KLF7: variants seen among roughly 807,000 people sequenced by gnomAD.
KLF7 encodes Krueppel-like factor 7.
KLF7 carries 2 observed loss-of-function variants against 27.3 expected under a neutral mutation model. The observed-to-expected ratio is 0.07, with a 90% CI of 0.03 to 0.23. The LOEUF (loss-of-function observed/expected upper bound fraction) is 0.23. Among genes scored for constraint, KLF7 ranks in the 10% least tolerant of loss-of-function variants. The pLI is 1.00. For synonymous variants in KLF7, 165 were observed against 162.4 expected, an observed-to-expected ratio of 1.02 and a Z score of -0.12; for missense variants, 221 against 394.1, an observed-to-expected ratio of 0.56 and a Z score of 3.72.
chr2:207,153,779 T>C (rs891818317), intron 1 of KLF7, among the ~76,000 whole-genome samples: 4 of 152,150 alleles, frequency 2.6e-5, no homozygotes, highest in African/African-American at 9.7e-5. Flanking sequence ...GACAAAGAAC[T>C]GAAAAGTTCC....
At chr2:207,119,487 T>C (rs1267759451) in intron 2 of KLF7, among the ~76,000 whole-genome samples, 2 of 151,898 alleles carry the variant, frequency 1.3e-5, no homozygotes, top group African/African-American at 4.8e-5. Context: ...GAAGTGAAGG[T>C]TACTTTTCAT....
chr2:207,110,919 T>G (rs911572924), intron 2 of KLF7, among the ~76,000 whole-genome samples: 2 of 152,184 alleles, frequency 1.3e-5, no homozygotes, highest in African/African-American at 2.4e-5. Context: ...AGGCCAGGGT[T>G]TCTCAACCTT....
At chr2:207,092,012 C>T (rs567075639) in intron 2 of KLF7, among the ~76,000 whole-genome samples, 4 of 152,290 alleles carry the variant, frequency 2.6e-5, no homozygotes, top group African/African-American at 4.8e-5. Context: ...GAAAACTGCA[C>T]GTCAGTGGTA....
At chr2:207,125,882 A>G (rs2077463885) in intron 1 of KLF7, among the ~76,000 whole-genome samples, 1 of 152,246 alleles carries the variant, frequency 6.6e-6, no homozygotes, top group Non-Finnish European at 1.5e-5. Context: ...ATAAACAACC[A>G]CAAGCTAAAA....
chr2:207,095,800 G>C (rs1303274502), intron 2 of KLF7, among the ~76,000 whole-genome samples: 2 of 151,984 alleles, frequency 1.3e-5, no homozygotes, highest in Non-Finnish European at 2.9e-5. Flanking sequence ...TATTAAAAAA[G>C]AATGTAAAAT....
At chr2:207,091,962 T>C (rs998150598) in intron 2 of KLF7, among the ~76,000 whole-genome samples, 1 of 152,054 alleles carries the variant, frequency 6.6e-6, no homozygotes, top group African/African-American at 2.4e-5. Flanking sequence ...TTTCTTTCTT[T>C]ATAAAAGAAA....
chr2:207,081,348 T>C, intron 3 of KLF7, 84 bp from the exon 4 acceptor site: 2 of 1,180,500 alleles, frequency 1.7e-6, no homozygotes, highest in Non-Finnish European at 2.5e-6. Context: ...TGATTTCCCT[T>C]ACTTTAAACA....
chr2:207,155,007 A>T (rs2078343614), intron 1 of KLF7, among the ~76,000 whole-genome samples: 1 of 152,154 alleles, frequency 6.6e-6, no homozygotes, highest in Non-Finnish European at 1.5e-5. Context: ...CTTCTGCCCT[A>T]ATGTCCCCTA....
At chr2:207,123,048 G>C (rs940273985) in intron 2 of KLF7, among the ~76,000 whole-genome samples, 9 of 146,268 alleles carry the variant, frequency 6.2e-5, no homozygotes, top group Non-Finnish European at 1.3e-4. Flanking sequence ...CAAAAGATCA[G>C]TATGACTGGA....
rs986334731 is a variant in KLF7 at position 207,077,325 on chromosome 2, T to C, written c.*3888A>G. 6.6e-6 allele frequency: 1 copy of C among 152,186 alleles called. No homozygotes were observed. The highest frequency in any genetic ancestry group is 2.4e-5 in the African/African-American group (1 of 41,430). The allele number at this position is 152,186 out of a possible 1,614,324, so 9.4% of individuals were successfully genotyped here. ...AGACATGGATAATCTGGAAAGCTTA[T>C]CCCAAACAAAAGTCCTTATAAAATC... On this transcript the variant is annotated 3_prime_UTR_variant, in exon 4 of 4. Coordinates refer to ENST00000309446, the MANE Select transcript of KLF7 (RefSeq NM_003709.4).
intron 2 of KLF7, among the ~76,000 whole-genome samples, chr2:207,092,513 G>A (rs1263617): frequency 6.6e-6 from 1 of 152,198 alleles, no homozygotes; most frequent in African/African-American, 2.4e-5. Flanking sequence ...TAAGTCTCAT[G>A]AGGTGAAAAC....
In KLF7 at chr2:207,123,997, C is replaced by T. The variant is rs776940638; in HGVS notation, c.510G>A (p.Lys170=). The change falls in exon 2 of 4, where the codon AAG becomes AAA. Residue 170 remains lysine, a synonymous_variant. Transcript: ENST00000309446. ...CCACCTTTACGGAGCTGAGAGCAGC[C>T]TTCTTGGCCACCAGTTTCAACGTCA... ...GTVTLKLVAK[K]AALSSVKVGG... The T allele has an allele frequency of 6.2e-7, 1 of 1,614,168 alleles. No homozygotes were observed. The highest frequency in any genetic ancestry group is 8.5e-7 in the Non-Finnish European group (1 of 1,180,028).
chr2:207,114,899 C>A (rs569984936), intron 2 of KLF7, among the ~76,000 whole-genome samples: 3 of 151,942 alleles, frequency 2.0e-5, no homozygotes, highest in African/African-American at 4.8e-5. Flanking sequence ...GCAGACCCAA[C>A]AAAGTTGGGA....
chr2:207,134,414 T>C (rs149307153), intron 1 of KLF7, among the ~76,000 whole-genome samples: 2 of 152,122 alleles, frequency 1.3e-5, no homozygotes, highest in African/African-American at 4.8e-5. Flanking sequence ...TGCAATTTAG[T>C]GGCTGGTAAT....
At chr2:207,121,762 CA>C (rs2077347001) in intron 2 of KLF7, 1 of 152,168 alleles carries the variant, frequency 6.6e-6, no homozygotes, top group East Asian at 1.9e-4. Context: ...CTCAAAAAAA[CA>C]GAGCACCACA....
intron 1 of KLF7, chr2:207,149,194 T>C: frequency 7.8e-7 from 1 of 1,280,826 alleles, no homozygotes; most frequent in African/African-American, 1.5e-5. Context: ...TGATCTTCAA[T>C]AATTTTCTGA....
At chr2:207,125,084 G>A (rs1484482238) in intron 1 of KLF7, among the ~76,000 whole-genome samples, 2 of 152,172 alleles carry the variant, frequency 1.3e-5, no homozygotes, top group Non-Finnish European at 2.9e-5. Flanking sequence ...TTACTTTGTG[G>A]CAAGGGGCAT....
At chr2:207,085,931 C>T (rs1444623795) in intron 3 of KLF7, among the ~76,000 whole-genome samples, 2 of 122,854 alleles carry the variant, frequency 1.6e-5, no homozygotes, top group African/African-American at 6.2e-5. Context: ...TTTTTCCAGA[C>T]AAAGCCAGAA....
chr2:207,082,226 A>G (rs190018959), intron 3 of KLF7, among the ~76,000 whole-genome samples: 1 of 152,316 alleles, frequency 6.6e-6, no homozygotes, highest in East Asian at 1.9e-4. Context: ...GCTAAACAAC[A>G]GCCATGTGAC....
Sources: allele counts gnomAD v4.1 joint callset (sites outside exome capture counted in the v4.1 genomes callset), GRCh38; gene constraint gnomAD v4.1.1; transcripts MANE v1.5; gene names NCBI Gene and HGNC (gene_info 2026-07-23, HGNC 2026-07-21).